The following MGAT4C variants were observed in gnomAD, a reference collection of about 807,000 sequenced individuals.
The protein encoded by MGAT4C is alpha-1,3-mannosyl-glycoprotein 4-beta-N-acetylglucosaminyltransferase C.
Under a neutral mutation model 40.1 loss-of-function variants are expected in MGAT4C, and 19 were observed. The observed-to-expected ratio is 0.47, with a 90% CI of 0.33 to 0.70. The LOEUF (loss-of-function observed/expected upper bound fraction) is 0.70. Among genes scored for constraint, MGAT4C ranks in the 30% least tolerant of loss-of-function variants. MGAT4C has a pLI of 0.02. For synonymous variants in MGAT4C, 181 were observed against 187.1 expected (o/e 0.97, Z 0.27); for missense variants, 491 against 563.2 (o/e 0.87, Z 1.30).
intron 1 of MGAT4C, among the ~76,000 whole-genome samples, chr12:86,067,203 A>G (rs1308083723): frequency 6.6e-6 from 1 of 152,204 alleles, no homozygotes; most frequent in Non-Finnish European, 1.5e-5. Flanking sequence ...CAACCTTATT[A>G]CTGGGTATAT....
intron 1 of MGAT4C, among the ~76,000 whole-genome samples, chr12:86,168,884 A>G (rs1193567947): frequency 6.6e-6 from 1 of 152,172 alleles, no homozygotes; most frequent in East Asian, 1.9e-4. Flanking sequence ...GTACCATTAC[A>G]GCTTCTTTTC....
intron 2 of MGAT4C, among the ~76,000 whole-genome samples, chr12:86,514,767 T>A (rs1423934771): frequency 1.3e-5 from 2 of 152,202 alleles, no homozygotes; most frequent in Non-Finnish European, 2.9e-5. Flanking sequence ...CTTCATGTAA[T>A]CATTGGTTCC....
At chr12:86,665,322 T>C (rs1964076621) in intron 2 of MGAT4C, among the ~76,000 whole-genome samples, 1 of 152,176 alleles carries the variant, frequency 6.6e-6, no homozygotes, top group Non-Finnish European at 1.5e-5. Flanking sequence ...GGGAAAATGC[T>C]GAGACAATTG....
In MGAT4C at chr12:86,741,997, G is replaced by A. The variant is rs946763440; in HGVS notation, c.-261-14756C>T. Among the ~76,000 whole-genome samples, 5 of 151,418 alleles carry A rather than the reference G, an allele frequency of 3.3e-5. No homozygotes were observed. The East Asian group carries it at 9.8e-4, about 30-fold the overall frequency. On this transcript the variant is annotated intron_variant, in intron 1 of 7. Coordinates refer to the MGAT4C transcript ENST00000548651. The stretch of plus-strand genomic sequence containing the variant: ...TTGATTATGTACCTTTAACTTGTAA[G>A]GCTTATTTGTTTATTTAGACATTGA...
At chr12:86,365,946 G>C (rs1002419785) in intron 3 of MGAT4C, among the ~76,000 whole-genome samples, 6 of 152,136 alleles carry the variant, frequency 3.9e-5, no homozygotes, top group African/African-American at 1.4e-4. Context: ...TATTTTGATA[G>C]GGATAACATT....
chr12:85,971,097 G>C lies in MGAT4C; in HGVS notation c.*8192C>G, dbSNP rs1377612025. 1 of 150,960 alleles carries C rather than the reference G, an allele frequency of 6.6e-6. No individual in the cohort carries two copies. The highest frequency in any genetic ancestry group is 2.4e-5 in the African/African-American group (1 of 41,286). 9.4% of individuals were successfully genotyped at this position (150,960 alleles called of 1,614,324 possible). ...AAATCAGAAGAATGTTGAAAAATTA[G>C]TGCATTTATAATAAATTTAATTATT... On this transcript the variant is annotated 3_prime_UTR_variant, in exon 5 of 5. Transcript: ENST00000611864.
intron 2 of MGAT4C, among the ~76,000 whole-genome samples, chr12:86,481,612 TATG>T (rs1475083688): frequency 9.2e-5 from 14 of 152,082 alleles, no homozygotes; most frequent in African/African-American, 3.1e-4. Context: ...GCAATATGGA[TATG>T]ATTATCATTA....
chr12:86,279,334 A>G (rs373604225), intron 4 of MGAT4C, among the ~76,000 whole-genome samples: 1 of 152,036 alleles, frequency 6.6e-6, no homozygotes, highest in East Asian at 1.9e-4. Context: ...TGATCTCATT[A>G]CTTGTTATTG....
At chr12:86,347,916 A>C (rs551380833) in intron 3 of MGAT4C, among the ~76,000 whole-genome samples, 10 of 152,236 alleles carry the variant, frequency 6.6e-5, no homozygotes, top group African/African-American at 2.4e-4. Context: ...ATAAAATCAT[A>C]TTTTATTCTG....
At chr12:86,330,800 T>C (rs889727589) in intron 4 of MGAT4C, among the ~76,000 whole-genome samples, 13 of 152,230 alleles carry the variant, frequency 8.5e-5, no homozygotes, top group African/African-American at 2.9e-4. Context: ...TAAACAATTA[T>C]ACTTATTATG....
intron 3 of MGAT4C, among the ~76,000 whole-genome samples, chr12:86,357,688 G>A (rs1490419365): frequency 1.3e-5 from 2 of 152,264 alleles, no homozygotes; most frequent in African/African-American, 4.8e-5. Flanking sequence ...ACAGGTACAA[G>A]CTTCAGTAGC....
chr12:86,635,652 A>G (rs951272725), intron 2 of MGAT4C, among the ~76,000 whole-genome samples: 14 of 144,966 alleles, frequency 9.7e-5, no homozygotes, highest in Non-Finnish European at 1.8e-4. Flanking sequence ...CCTTTTCTAT[A>G]TACATTGTGT....
chr12:86,780,800 C>T (rs1475152827), intron 1 of MGAT4C, among the ~76,000 whole-genome samples: 1 of 152,172 alleles, frequency 6.6e-6, no homozygotes, highest in Non-Finnish European at 1.5e-5. Context: ...TCATCCCTCA[C>T]TCCCCTCTCA....
At chr12:86,397,278 G>T (rs1956279985) in intron 3 of MGAT4C, among the ~76,000 whole-genome samples, 2 of 151,946 alleles carry the variant, frequency 1.3e-5, no homozygotes, top group Non-Finnish European at 2.9e-5. Context: ...TAAAAGAATG[G>T]CTCAGCCAAG....
chr12:86,800,099 G>A (rs1952199041), intron 1 of MGAT4C, among the ~76,000 whole-genome samples: 1 of 151,842 alleles, frequency 6.6e-6, no homozygotes, highest in African/African-American at 2.4e-5. Context: ...AATTAACGTT[G>A]GAAGATGTGT....
chr12:85,963,357 C>G lies in MGAT4C; in HGVS notation c.*15932G>C, dbSNP rs1176423114. On this transcript the variant is annotated 3_prime_UTR_variant, in exon 5 of 5. Coordinates refer to ENST00000611864, the MANE Select transcript of MGAT4C (RefSeq NM_001351288.2). ...CTAGCACATAGTCAGTGTTTCTTAACCATTTTGGGGTCCTGAAACTTTTTG... is the reference window on the plus strand; with the variant it reads ...CTAGCACATAGTCAGTGTTTCTTAAGCATTTTGGGGTCCTGAAACTTTTTG... 1 of 151,794 alleles carries G rather than the reference C, an allele frequency of 6.6e-6. No homozygotes were observed. Among genetic ancestry groups the G allele is most frequent in the Non-Finnish European group, 1.5e-5 (1 of 67,864 alleles). The allele number at this position is 151,794 out of a possible 1,614,324, so 9.4% of individuals were successfully genotyped here.
chr12:86,592,574 C>A (rs578136733), intron 2 of MGAT4C, among the ~76,000 whole-genome samples: 115 of 152,210 alleles, frequency 7.6e-4, no homozygotes, highest in African/African-American at 2.6e-3. Flanking sequence ...GAGGCACATG[C>A]CCAATTTTAG....
intron 1 of MGAT4C, among the ~76,000 whole-genome samples, chr12:86,823,932 C>T (rs1952753651): frequency 6.6e-6 from 1 of 151,244 alleles, no homozygotes; most frequent in African/African-American, 2.4e-5. Context: ...GTAATCCTCC[C>T]TTATGCAGGT....
rs1309201937 is a variant in MGAT4C at position 86,603,323 on chromosome 12, A to ATG, written c.-229+123885_-229+123886insCA. On this transcript the variant is annotated intron_variant, in intron 2 of 7. Transcript: ENST00000548651. ...GCATATAATTATATAGTATATATAT[A>ATG]AAATTATATAGTATAGTATATAATT... Among the ~76,000 whole-genome samples, 5 of 138,438 alleles carry ATG rather than the reference A, an allele frequency of 3.6e-5. No homozygotes were observed. The East Asian group carries it at 1.0e-3, about 28-fold the overall frequency. The allele number at this position is 138,438 out of a possible 152,430, so 90.8% of individuals were successfully genotyped here. A position where few individuals can be genotyped will look rare whatever the true frequency, so the allele number is the denominator to read the frequency against.
Sources: allele counts gnomAD v4.1 joint callset (sites outside exome capture counted in the v4.1 genomes callset), GRCh38; gene constraint gnomAD v4.1.1; transcripts MANE v1.5; gene names NCBI Gene and HGNC (gene_info 2026-07-23, HGNC 2026-07-21).